BBS9: variants seen among roughly 807,000 people sequenced by gnomAD.
BBS9 encodes the protein Bardet-Biedl syndrome 9.
A neutral mutation model predicts 117.7 loss-of-function variants in BBS9; 89 were observed. The observed-to-expected ratio is 0.76, with a 90% CI of 0.64 to 0.90. The LOEUF (loss-of-function observed/expected upper bound fraction) is 0.90, where lower values mean the gene tolerates loss of function less well. BBS9 is among the 40% of genes least tolerant of loss of function. The probability of loss-of-function intolerance (pLI) is 0.00; values close to 1 mark genes in which losing one functional copy is unlikely to be tolerated. For synonymous variants in BBS9, 379 were observed against 370.9 expected (o/e 1.02, Z -0.25); for missense variants, 982 against 1,042.2 (o/e 0.94, Z 0.80).
intron 19 of BBS9, among the ~76,000 whole-genome samples, chr7:33,465,632 G>A (rs1189180886): frequency 6.6e-6 from 1 of 152,002 alleles, no homozygotes; most frequent in East Asian, 1.9e-4. Context: ...CCTATTAGTT[G>A]TATGTCCTTG....
intron 19 of BBS9, among the ~76,000 whole-genome samples, chr7:33,417,930 G>T (rs898317719): frequency 6.6e-6 from 1 of 152,106 alleles, no homozygotes; most frequent in Non-Finnish European, 1.5e-5. Flanking sequence ...TTTACCAAGG[G>T]TTAAGCCTGG....
intron 9 of BBS9, among the ~76,000 whole-genome samples, chr7:33,275,152 T>G (rs558381631): frequency 1.3e-5 from 2 of 152,290 alleles, no homozygotes; most frequent in East Asian, 3.9e-4. Context: ...GTGTTTTATC[T>G]AAAGCCTGAA....
intron 5 of BBS9, among the ~76,000 whole-genome samples, chr7:33,253,323 A>G (rs1448935874): frequency 6.6e-6 from 1 of 152,194 alleles, no homozygotes; most frequent in African/African-American, 2.4e-5. Flanking sequence ...TAAATAAGAA[A>G]GATGTTTGGC....
At chr7:33,144,856 G>A (rs1266148525) in intron 1 of BBS9, among the ~76,000 whole-genome samples, 1 of 152,122 alleles carries the variant, frequency 6.6e-6, no homozygotes, top group East Asian at 1.9e-4. Context: ...TATATTAAAT[G>A]TGTTTTTGAC....
intron 20 of BBS9, among the ~76,000 whole-genome samples, chr7:33,510,576 G>A (rs1322518755): frequency 3.9e-5 from 6 of 152,090 alleles, no homozygotes; most frequent in Non-Finnish European, 7.4e-5. Context: ...ACCTCACTAA[G>A]CAAAACAGAC....
chr7:33,531,801 G>C (rs971892151), intron 20 of BBS9, among the ~76,000 whole-genome samples: 1 of 152,168 alleles, frequency 6.6e-6, no homozygotes, highest in Admixed American at 6.5e-5. Flanking sequence ...GGAGTGAACT[G>C]CCTCAAAAAG....
chr7:33,413,760 G>A (rs930673446), intron 19 of BBS9, among the ~76,000 whole-genome samples: 6 of 152,146 alleles, frequency 3.9e-5, no homozygotes, highest in Non-Finnish European at 7.3e-5. Context: ...AGTGGCTCAC[G>A]CCTGTAATCC....
intron 19 of BBS9, among the ~76,000 whole-genome samples, chr7:33,494,156 C>T (rs1348729619): frequency 3.3e-5 from 5 of 152,016 alleles, no homozygotes; most frequent in African/African-American, 1.2e-4. Context: ...CCCAGGGAGA[C>T]ATTTGACAAT....
rs574226456 is a variant in BBS9, at chr7:33,364,238, G to A, written c.1694-3529G>A. 1.6e-3 allele frequency among the ~76,000 whole-genome samples: 50 copies of A among 31,936 alleles called. 17 individuals are homozygous for A. Among genetic ancestry groups the A allele is most frequent in the African/African-American group, 6.4e-3 (41 of 6,380 alleles). The allele number at this position is 31,936 out of a possible 152,430, so 21.0% of individuals were successfully genotyped here. A position where few individuals can be genotyped will look rare whatever the true frequency, so the allele number is the denominator to read the frequency against. On this transcript the variant is annotated intron_variant, in intron 16 of 22. Transcript: ENST00000242067. The stretch of plus-strand genomic sequence containing the variant: ...GCTGGGATTACAGGCGTGAGCCACC[G>A]CGCCCGGCCTTCACTATATTTTTAG...
At chr7:33,508,772 G>A (rs1461227307) in intron 20 of BBS9, among the ~76,000 whole-genome samples, 1 of 152,218 alleles carries the variant, frequency 6.6e-6, no homozygotes, top group Admixed American at 6.5e-5. Flanking sequence ...GAATGCTCAT[G>A]AAGCTGGCCC....
intron 21 of BBS9, among the ~76,000 whole-genome samples, chr7:33,561,361 T>C (rs1315229348): frequency 6.6e-6 from 1 of 152,186 alleles, no homozygotes; most frequent in Non-Finnish European, 1.5e-5. Context: ...ATGCAGGCCA[T>C]GATGACAGTA....
chr7:33,471,118 C>T (rs35436906), intron 19 of BBS9, among the ~76,000 whole-genome samples: 117,612 of 151,372 alleles, frequency 0.78, 46,504 homozygotes, highest in African/African-American at 0.93. Context: ...TTGGGTAACT[C>T]TTGGTTGTTC....
chr7:33,397,353 C>A (rs1016052068), intron 19 of BBS9, among the ~76,000 whole-genome samples: 1 of 152,130 alleles, frequency 6.6e-6, no homozygotes, highest in Admixed American at 6.6e-5. Context: ...GAAAAAGGAA[C>A]ACTTTTATAC....
intron 5 of BBS9, among the ~76,000 whole-genome samples, chr7:33,185,554 T>G (rs1798697943): frequency 6.6e-6 from 1 of 152,200 alleles, no homozygotes; most frequent in Non-Finnish European, 1.5e-5. Flanking sequence ...CCAAGACTTG[T>G]ACATTTCATA....
At chr7:33,306,693 G>T (rs1808072002) in intron 9 of BBS9, among the ~76,000 whole-genome samples, 1 of 152,086 alleles carries the variant, frequency 6.6e-6, no homozygotes, top group Admixed American at 6.5e-5. Flanking sequence ...CGTACAAAAA[G>T]CATATGCTAT....
intron 19 of BBS9, among the ~76,000 whole-genome samples, chr7:33,492,302 C>A (rs1019643568): frequency 3.3e-5 from 5 of 151,232 alleles, no homozygotes; most frequent in Non-Finnish European, 7.4e-5. Flanking sequence ...TTGCATGCTT[C>A]CTATGTGCTA....
intron 5 of BBS9, among the ~76,000 whole-genome samples, chr7:33,252,159 A>G (rs1202769582): frequency 6.6e-6 from 1 of 152,080 alleles, no homozygotes; most frequent in Non-Finnish European, 1.5e-5. Flanking sequence ...AAACAACAAG[A>G]TGTCGTGATA....
At chr7:33,542,548 T>G (rs948560871) in intron 21 of BBS9, among the ~76,000 whole-genome samples, 1 of 152,142 alleles carries the variant, frequency 6.6e-6, no homozygotes, top group African/African-American at 2.4e-5. Flanking sequence ...TCCTCATAGC[T>G]TAGCTCCCAC....
At position 33,273,878 on chromosome 7, in the gene BBS9, A is replaced by C. The variant is rs533714503; in HGVS notation, c.938A>C (p.His313Pro). ...TLIGNHNNML[H>P]IYQDVTLKWA... ...ATTGGAAATCATAATAACATGCTGC[A>C]TATTTATCAAGATGTGACACTGAAG... Residue 313 changes from histidine (H) to proline (P), a missense_variant, in exon 9 of 23, where the codon CAT becomes CCT. Physicochemically the swap from His to Pro is moderately conservative, Grantham distance 77. Coordinates refer to ENST00000242067, the MANE Select transcript of BBS9 (RefSeq NM_198428.3). 1.2e-6 allele frequency: 2 copies of C among 1,610,164 alleles called. No homozygotes were observed. The highest frequency in any genetic ancestry group is 1.7e-6 in the Non-Finnish European group (2 of 1,176,602).
Sources: gnomAD v4.1 joint callset for allele counts (sites outside exome capture counted in the v4.1 genomes callset) on GRCh38, gnomAD v4.1.1 for gene constraint, MANE v1.5 for transcripts, NCBI Gene and HGNC (gene_info 2026-07-23, HGNC 2026-07-21) for gene names.